Variants in PLEKHM2 observed in about 807,000 individuals in gnomAD.
PLEKHM2 encodes pleckstrin homology and RUN domain containing M2.
Under a neutral mutation model 116.3 loss-of-function variants are expected in PLEKHM2, and 77 were observed. That is an observed-to-expected ratio of 0.66 (90% CI 0.55 to 0.80). The LOEUF (loss-of-function observed/expected upper bound fraction) is 0.80, where lower values mean the gene tolerates loss of function less well. PLEKHM2 is among the 30% of genes least tolerant of loss of function. The probability of loss-of-function intolerance (pLI) is 0.00; values close to 1 mark genes in which losing one functional copy is unlikely to be tolerated. For synonymous variants in PLEKHM2, 562 were observed against 571.0 expected, an observed-to-expected ratio of 0.98 and a Z score of 0.22; for missense variants, 1,183 against 1,354.9, an observed-to-expected ratio of 0.87 and a Z score of 1.99.
At chr1:15,718,803 TGAGAA>T (rs1265215354) in intron 5 of PLEKHM2, among the ~76,000 whole-genome samples, 178 bp downstream of exon 5, 1 of 152,092 alleles carries the variant, frequency 6.6e-6, no homozygotes, top group Non-Finnish European at 1.5e-5. Context: ...TCGAATTGAG[TGAGAA>T]GAGAAGTGAT....
rs1641506989 is a variant in PLEKHM2, at chr1:15,719,102, A to G, written c.465+477A>G. On this transcript the variant is annotated intron_variant, in intron 5 of 19. Transcript: ENST00000375799. The surrounding 1 kb of genome is among the most constrained non-coding windows in gnomAD (Gnocchi z 4.1). ...CCCACATAGAGCCAAAGAGGCTCCC[A>G]GGCACCTCTTGGACTGGGCTCAAAA... Among the ~76,000 whole-genome samples the G allele has an allele frequency of 6.6e-6, 1 of 152,172 alleles. No individual in the cohort carries two copies. Among genetic ancestry groups the G allele is most frequent in the Admixed American group, 6.5e-5 (1 of 15,276 alleles).
rs113129710 is a variant in PLEKHM2 at position 15,725,052 on chromosome 1, G to C, written c.713-265G>C. The stretch of plus-strand genomic sequence containing the variant: ...GCCTGGAGGCTGCTTCACCGCGGGG[G>C]CCCTTAACACAAACTCAGCCAAATT... On this transcript the variant is annotated intron_variant, in intron 7 of 19. Coordinates refer to ENST00000375799, the MANE Select transcript of PLEKHM2 (RefSeq NM_015164.4). 0.057 allele frequency among the ~76,000 whole-genome samples: 8,663 copies of C among 152,284 alleles called. 854 individuals carry two copies. Among genetic ancestry groups the C allele is most frequent in the African/African-American group, 0.2 (8,173 of 41,548 alleles).
chr1:15,711,602 G>A (rs952651744), intron 1 of PLEKHM2, among the ~76,000 whole-genome samples: 1 of 149,932 alleles, frequency 6.7e-6, no homozygotes, highest in African/African-American at 2.5e-5. Context: ...GGGCAACAGA[G>A]CGAGGCTCCA....
intron 2 of PLEKHM2, 62 bp downstream of exon 2, chr1:15,716,405 A>G: frequency 2.0e-6 from 2 of 1,016,026 alleles, no homozygotes; most frequent in Non-Finnish European, 3.0e-6. Context: ...TAGCCTCCAC[A>G]GAGAAACCCT....
intron 3 of PLEKHM2, 46 bp from the exon 4 acceptor site, chr1:15,717,847 C>A: frequency 8.2e-7 from 1 of 1,224,484 alleles, no homozygotes; most frequent in Non-Finnish European, 1.2e-6. Flanking sequence ...TAAAAGCCAG[C>A]AGTCTGAGAG....
chr1:15,729,747 T>C lies in PLEKHM2; in HGVS notation c.2076-50T>C, dbSNP rs749032386. 2 of 1,557,242 alleles carry C rather than the reference T, an allele frequency of 1.3e-6. No homozygotes were observed. Among genetic ancestry groups the C allele is most frequent in the South Asian group, 1.2e-5 (1 of 83,364 alleles). On this transcript the variant is annotated intron_variant, in intron 13 of 19. Coordinates refer to ENST00000375799, the MANE Select transcript of PLEKHM2 (RefSeq NM_015164.4). The surrounding 1 kb of genome is among the most constrained non-coding windows in gnomAD (Gnocchi z 4.7). The stretch of plus-strand genomic sequence containing the variant: ...GCGCTCAAGACTAAGCCCTGTCCAG[T>C]TGAGGCCCTGTTCCCAGGCCTCTAA...
intron 1 of PLEKHM2, among the ~76,000 whole-genome samples, chr1:15,703,663 CAG>C (rs2148343970): frequency 6.6e-6 from 1 of 152,284 alleles, no homozygotes; most frequent in Non-Finnish European, 1.5e-5. Flanking sequence ...GTATGAAGAT[CAG>C]AGAGAGACGG....
chr1:15,703,741 T>G (rs770962589), intron 1 of PLEKHM2, among the ~76,000 whole-genome samples: 9 of 152,292 alleles, frequency 5.9e-5, no homozygotes, highest in Middle Eastern at 3.4e-3. Context: ...TAAAATTCTC[T>G]GAGTCAGGCA....
At chr1:15,711,844 C>T (rs546514332) in intron 1 of PLEKHM2, among the ~76,000 whole-genome samples, 4 of 151,900 alleles carry the variant, frequency 2.6e-5, no homozygotes, top group East Asian at 1.9e-4. Context: ...CATGGCTGGG[C>T]GCGGTGGCTC....
chr1:15,703,560 C>T (rs993862106), intron 1 of PLEKHM2, among the ~76,000 whole-genome samples: 2 of 152,170 alleles, frequency 1.3e-5, no homozygotes, highest in Non-Finnish European at 2.9e-5. Context: ...GGCTGTTTAT[C>T]GTCTTTCACA....
Position 15,728,401 on chromosome 1 carries a change from G to C in PLEKHM2, c.1921+44G>C. The C allele has an allele frequency of 1.9e-6, 3 of 1,543,912 alleles. No individual in the cohort carries two copies. Among genetic ancestry groups the C allele is most frequent in the Non-Finnish European group, 2.7e-6 (3 of 1,124,636 alleles). ...CAGACAGCGGGTTGTAGACGAGGCT[G>C]ACTCTCAGCCCCTTTTCCCCAGTCC... On this transcript the variant is annotated intron_variant, in intron 11 of 19. Transcript: ENST00000375799. The surrounding 1 kb of genome is among the most constrained non-coding windows in gnomAD (Gnocchi z 5.9).
At chr1:15,731,504 C>G (rs989540014) in intron 16 of PLEKHM2, among the ~76,000 whole-genome samples, 4 of 152,136 alleles carry the variant, frequency 2.6e-5, no homozygotes, top group Non-Finnish European at 5.9e-5. Flanking sequence ...AGGCCCTTCC[C>G]CAGAAGCTCC....
Position 15,732,065 on chromosome 1 carries a change from C to T in PLEKHM2, c.2625+17C>T. Reference sequence around the variant, plus strand: ...TCCAAAGGGGTGAGCTTCGCCTGCCCCTACCGCTCACCTGGCTTGCCTGAC... The same window carrying T: ...TCCAAAGGGGTGAGCTTCGCCTGCCTCTACCGCTCACCTGGCTTGCCTGAC... On this transcript the variant is annotated intron_variant, in intron 17 of 19. Coordinates refer to ENST00000375799, the MANE Select transcript of PLEKHM2 (RefSeq NM_015164.4). 2.5e-6 allele frequency: 4 copies of T among 1,605,596 alleles called. No individual in the cohort carries two copies. The highest frequency in any genetic ancestry group is 2.6e-6 in the Non-Finnish European group (3 of 1,175,180).
At chr1:15,712,076 C>T (rs1411413590) in intron 1 of PLEKHM2, among the ~76,000 whole-genome samples, 1 of 149,712 alleles carries the variant, frequency 6.7e-6, no homozygotes, top group Non-Finnish European at 1.5e-5. Context: ...CGAGATCACG[C>T]CACTGCACTC....
chr1:15,727,627 G>T lies in PLEKHM2; in HGVS notation c.1555G>T (p.Asp519Tyr), dbSNP rs770377384. 4 of 1,590,768 alleles carry T rather than the reference G, an allele frequency of 2.5e-6. No individual in the cohort carries two copies. Among genetic ancestry groups the T allele is most frequent in the East Asian group, 2.3e-5 (1 of 43,722 alleles). The change falls in exon 9 of 20, where the codon GAT becomes TAT. Residue 519 changes from aspartate (D) to tyrosine (Y), a missense_variant. Asp to Tyr is a radical substitution (Grantham distance 160). This residue lies in a region of PLEKHM2 where 594 missense variants were observed against 720.1 expected (regional missense o/e 0.82). Transcript: ENST00000375799. The surrounding 1 kb of genome is among the most constrained non-coding windows in gnomAD (Gnocchi z 7.5). Reference sequence around the variant, plus strand: ...GGGACAGACGCCTCGGCCCCTAGAGGATACCACGAGGGAGGCTCAGGAGCT... The same window carrying T: ...GGGACAGACGCCTCGGCCCCTAGAGTATACCACGAGGGAGGCTCAGGAGCT... ...GEGQTPRPLE[D>Y]TTREAQELEA...
Position 15,721,216 on chromosome 1 carries a change from T to C in PLEKHM2, c.653-113T>C, listed in dbSNP as rs2067992537. The C allele has an allele frequency of 1.4e-6, 1 of 706,970 alleles. No individual in the cohort carries two copies. The highest frequency in any genetic ancestry group is 2.5e-6 in the Non-Finnish European group (1 of 398,206). The allele number at this position is 706,970 out of a possible 1,614,324, so 43.8% of individuals were successfully genotyped here. On this transcript the variant is annotated intron_variant, in intron 6 of 19. Transcript: ENST00000375799. This position sits in a 1 kb window ranked among gnomAD's most constrained non-coding sequence, Gnocchi z 5.1. ...TGGATACAATGTAGAAAGTTGAAGT[T>C]TTCCTCTCCTATTTTCTCCCCATGT... is the stretch of plus-strand genomic sequence containing the variant.
At chr1:15,685,344 G>A (rs763639534) in intron 1 of PLEKHM2, among the ~76,000 whole-genome samples, 1 of 152,130 alleles carries the variant, frequency 6.6e-6, no homozygotes, top group Middle Eastern at 3.4e-3. Context: ...TCCGCAAAAG[G>A]GTCCGTGCTA....
intron 7 of PLEKHM2, among the ~76,000 whole-genome samples, chr1:15,722,009 A>G (rs2068002933): frequency 6.6e-6 from 1 of 152,224 alleles, no homozygotes; most frequent in Non-Finnish European, 1.5e-5. Flanking sequence ...TCTGCCTGAA[A>G]TTCCACTTCA....
intron 1 of PLEKHM2, among the ~76,000 whole-genome samples, chr1:15,715,470 C>T (rs1206849901): frequency 3.9e-5 from 6 of 152,102 alleles, no homozygotes; most frequent in Non-Finnish European, 8.8e-5. Context: ...GGCGAAACCT[C>T]GTCTCTACTA....
Sources: allele counts gnomAD v4.1 joint callset (sites outside exome capture counted in the v4.1 genomes callset), GRCh38; gene constraint gnomAD v4.1.1; regional missense constraint gnomAD v4.1.1; non-coding constraint Gnocchi (gnomAD v3.1); transcripts MANE v1.5; gene names NCBI Gene and HGNC (gene_info 2026-07-23, HGNC 2026-07-21).